Variants in CFAP58 observed in about 807,000 individuals in gnomAD.
CFAP58 encodes cilia- and flagella-associated protein 58.
Under a neutral mutation model 119.5 loss-of-function variants are expected in CFAP58, and 88 were observed. The observed-to-expected ratio is 0.74, with a 90% CI of 0.62 to 0.88. The LOEUF is 0.88. CFAP58 is among the 40% of genes least tolerant of loss of function. CFAP58 has a pLI of 0.00. For synonymous variants in CFAP58, 365 were observed against 366.3 expected (o/e 1.00, Z 0.04); for missense variants, 990 against 1,021.2 (o/e 0.97, Z 0.42).
chr10:104,442,563 A>G (rs1473291262), intron 15 of CFAP58, among the ~76,000 whole-genome samples: 1 of 150,262 alleles, frequency 6.7e-6, no homozygotes, highest in Non-Finnish European at 1.5e-5. Context: ...ACTCCAGGCT[A>G]GGTGAGAGAG....
At chr10:104,354,445 C>T (rs1279925290) in intron 1 of CFAP58, among the ~76,000 whole-genome samples, 3 of 152,054 alleles carry the variant, frequency 2.0e-5, no homozygotes, top group East Asian at 3.9e-4. Context: ...GTTAACATCT[C>T]GTATCACCCC....
chr10:104,441,293 G>A (rs1564905872), intron 15 of CFAP58, among the ~76,000 whole-genome samples: 1 of 152,160 alleles, frequency 6.6e-6, no homozygotes, highest in East Asian at 1.9e-4. Context: ...GTGAGCCACC[G>A]TACCCAGCCG....
intron 15 of CFAP58, among the ~76,000 whole-genome samples, chr10:104,426,017 A>G (rs1484077773): frequency 6.6e-6 from 1 of 152,132 alleles, no homozygotes; most frequent in Non-Finnish European, 1.5e-5. Context: ...GGATTGCTTG[A>G]GCTCAGGAGT....
intron 7 of CFAP58, among the ~76,000 whole-genome samples, chr10:104,376,131 G>A (rs965618671): frequency 2.4e-4 from 37 of 152,248 alleles, no homozygotes; most frequent in African/African-American, 8.4e-4. Context: ...GGTATGGCAA[G>A]GAAATACATT....
rs2014815249 is a variant in CFAP58, at chr10:104,370,957, A to C, written c.993A>C (p.Glu331Asp). The C allele has an allele frequency of 3.1e-6, 5 of 1,613,884 alleles. No individual in the cohort carries two copies. In the South Asian group the frequency reaches 4.4e-5, roughly 14 times the overall value. Reference sequence around the variant, plus strand: ...TCGGGAAGCTCAACAAAATCAGAGAACAAATTCATAAGAAATTGCACCACA... The same window carrying C: ...TCGGGAAGCTCAACAAAATCAGAGACCAAATTCATAAGAAATTGCACCACA... Reference protein sequence around the residue: ...LDIGKLNKIREQIHKKLHHTE... With the variant: ...LDIGKLNKIRDQIHKKLHHTE... The change falls in exon 7 of 18, where the codon GAA (glutamate) becomes GAC (aspartate). Residue 331 changes from glutamate (E) to aspartate (D), a missense_variant. Coordinates refer to ENST00000369704, the MANE Select transcript of CFAP58 (RefSeq NM_001008723.2).
chr10:104,351,763 G>A (rs763797443), upstream of CFAP58: 1 of 152,122 alleles, frequency 6.6e-6, no homozygotes, highest in Non-Finnish European at 1.5e-5. Flanking sequence ...TGACCGTGGG[G>A]TTAAGGAGGT....
At chr10:104,349,320 A>G (rs1056364036), upstream of CFAP58, among the ~76,000 whole-genome samples, 2 of 152,006 alleles carry the variant, frequency 1.3e-5, no homozygotes, top group East Asian at 3.8e-4. Context: ...ACAGTTATGG[A>G]GGTTAGAAGT....
intron 15 of CFAP58, among the ~76,000 whole-genome samples, chr10:104,416,519 A>G (rs2012557000): frequency 6.6e-6 from 1 of 152,212 alleles, no homozygotes; most frequent in Non-Finnish European, 1.5e-5. Flanking sequence ...GGCTTGAATG[A>G]TAGGAGGGTT....
In CFAP58 at chr10:104,392,216, A is replaced by G; in HGVS notation, c.1366-17A>G. Reference sequence around the variant, plus strand: ...ATGGGCTATTTAACCACATTCATATATGTCTTTCTCCTCCAGGTCCTTATG... The same window carrying G: ...ATGGGCTATTTAACCACATTCATATGTGTCTTTCTCCTCCAGGTCCTTATG... On this transcript the variant is annotated splice_polypyrimidine_tract_variant and intron_variant, in intron 9 of 17. Coordinates refer to ENST00000369704, the MANE Select transcript of CFAP58 (RefSeq NM_001008723.2). The G allele has an allele frequency of 6.2e-7, 1 of 1,606,896 alleles. No homozygotes were observed. The highest frequency in any genetic ancestry group is 8.5e-7 in the Non-Finnish European group (1 of 1,177,446).
intron 12 of CFAP58, 95 bp from the exon 13 acceptor site, chr10:104,400,585 C>T (rs906662902): frequency 4.0e-6 from 4 of 1,011,068 alleles, no homozygotes; most frequent in Non-Finnish European, 6.2e-6. Flanking sequence ...TACATGTGGG[C>T]GTTCAATAGA....
chr10:104,342,684 A>AG, the CFAP58 span, among the ~76,000 whole-genome samples: 1 of 150,104 alleles, frequency 6.7e-6, no homozygotes, highest in African/African-American at 2.4e-5. Flanking sequence ...AAAAAAAAAA[A>AG]AAATACAAAA....
chr10:104,415,211 T>C (rs2012530217), intron 15 of CFAP58, among the ~76,000 whole-genome samples: 1 of 151,928 alleles, frequency 6.6e-6, no homozygotes, highest in African/African-American at 2.4e-5. Context: ...AGACAGAGAT[T>C]TGGGGTCTGG....
chr10:104,430,306 G>A (rs912168914), intron 15 of CFAP58, among the ~76,000 whole-genome samples: 1 of 152,214 alleles, frequency 6.6e-6, no homozygotes, highest in Non-Finnish European at 1.5e-5. Context: ...AGAGTAGACA[G>A]CATTAAAAAG....
At chr10:104,412,215 G>C (rs1354339029) in intron 15 of CFAP58, among the ~76,000 whole-genome samples, 1 of 152,086 alleles carries the variant, frequency 6.6e-6, no homozygotes, top group Non-Finnish European at 1.5e-5. Flanking sequence ...TGACTCACTA[G>C]TTTCTTCATC....
At chr10:104,411,485 A>T in intron 15 of CFAP58, among the ~76,000 whole-genome samples, 1 of 151,146 alleles carries the variant, frequency 6.6e-6, no homozygotes, top group South Asian at 2.1e-4. Flanking sequence ...GCTGACTTTC[A>T]CTCATGGTGG....
At chr10:104,379,170 A>G (rs1013577689) in intron 8 of CFAP58, among the ~76,000 whole-genome samples, 6 of 151,868 alleles carry the variant, frequency 4.0e-5, no homozygotes, top group Non-Finnish European at 7.4e-5. Flanking sequence ...GCCACTCTCT[A>G]TCCCCCGCTC....
intron 15 of CFAP58, among the ~76,000 whole-genome samples, chr10:104,420,098 C>T (rs1015876065): frequency 6.7e-6 from 1 of 148,888 alleles, no homozygotes; most frequent in Non-Finnish European, 1.5e-5. Context: ...CTTAAGGGAG[C>T]AGACTTTTAA....
the CFAP58 span, among the ~76,000 whole-genome samples, chr10:104,345,117 A>G: frequency 6.6e-6 from 1 of 152,080 alleles, no homozygotes; most frequent in African/African-American, 2.4e-5. Flanking sequence ...ATTGCACTCC[A>G]GCCTGGGCGA....
At chr10:104,437,317 A>G (rs1029176816) in intron 15 of CFAP58, among the ~76,000 whole-genome samples, 1 of 152,208 alleles carries the variant, frequency 6.6e-6, no homozygotes, top group African/African-American at 2.4e-5. Flanking sequence ...AATTCTCTCA[A>G]ATGTGAGATT....
Sources: gnomAD v4.1 joint callset for allele counts (sites outside exome capture counted in the v4.1 genomes callset) on GRCh38, gnomAD v4.1.1 for gene constraint, MANE v1.5 for transcripts, NCBI Gene and HGNC (gene_info 2026-07-23, HGNC 2026-07-21) for gene names.